The following CDH13 variants were observed in gnomAD, a reference collection of about 807,000 sequenced individuals.
CDH13 encodes the protein cadherin-13.
A neutral mutation model predicts 63.8 loss-of-function variants in CDH13; 24 were observed. That is an observed-to-expected ratio of 0.38 (90% CI 0.27 to 0.53). The LOEUF (loss-of-function observed/expected upper bound fraction) is 0.53, where lower values mean the gene tolerates loss of function less well. Ranked by LOEUF, CDH13 falls within the 20% of genes least tolerant of loss-of-function variation. The pLI is 0.85. For missense variants in CDH13, 1,049 were observed against 903.1 expected, an observed-to-expected ratio of 1.16 and a Z score of -2.07; for synonymous variants, 503 against 355.3, an observed-to-expected ratio of 1.42 and a Z score of -4.67.
chr16:82,749,258 G>A (rs974855855), intron 1 of CDH13, among the ~76,000 whole-genome samples: 1 of 152,126 alleles, frequency 6.6e-6, no homozygotes, highest in Non-Finnish European at 1.5e-5. Flanking sequence ...TGTACCTAAA[G>A]CCCATACCTT....
intron 1 of CDH13, among the ~76,000 whole-genome samples, chr16:82,630,239 G>A (rs1907844915): frequency 6.6e-6 from 1 of 152,116 alleles, no homozygotes. Context: ...CCCCCCCTAG[G>A]GTCAATACAT....
chr16:83,488,653 C>G (rs938538155), intron 7 of CDH13, among the ~76,000 whole-genome samples: 4 of 151,810 alleles, frequency 2.6e-5, no homozygotes, highest in African/African-American at 9.7e-5. Flanking sequence ...GAGACAGAGT[C>G]TTGCTCTGTC....
At chr16:83,469,081 T>A (rs1236312247) in intron 6 of CDH13, among the ~76,000 whole-genome samples, 1 of 152,192 alleles carries the variant, frequency 6.6e-6, no homozygotes, top group African/African-American at 2.4e-5. Context: ...CAATACTTTT[T>A]AGTTTTGCTG....
intron 2 of CDH13, among the ~76,000 whole-genome samples, chr16:82,862,806 C>T (rs115523699): frequency 9.7e-4 from 148 of 152,310 alleles, no homozygotes; most frequent in African/African-American, 3.3e-3. Flanking sequence ...CAGATGCAGT[C>T]GGGCTGCTCT....
chr16:82,996,069 A>G (rs1197835967), intron 2 of CDH13, among the ~76,000 whole-genome samples: 1 of 152,116 alleles, frequency 6.6e-6, no homozygotes, highest in African/African-American at 2.4e-5. Context: ...TTACAAGATT[A>G]AAAGGCTTAC....
chr16:83,540,388 G>A (rs2075277335), intron 7 of CDH13, among the ~76,000 whole-genome samples: 7 of 152,170 alleles, frequency 4.6e-5, no homozygotes, highest in Admixed American at 2.6e-4. Flanking sequence ...AGGTACATCT[G>A]AAGCCTGTTA....
At chr16:83,364,508 A>G (rs2091222586) in intron 6 of CDH13, among the ~76,000 whole-genome samples, 1 of 152,162 alleles carries the variant, frequency 6.6e-6, no homozygotes, top group African/African-American at 2.4e-5. Context: ...TTCCCTTCAC[A>G]TCTTCTCTAA....
At chr16:83,040,844 T>A (rs12930647) in intron 3 of CDH13, among the ~76,000 whole-genome samples, 2 of 152,168 alleles carry the variant, frequency 1.3e-5, no homozygotes, top group Non-Finnish European at 2.9e-5. Flanking sequence ...CATTGTTAAA[T>A]CCAGACCTAT....
chr16:83,015,657 A>ATGTGTG (rs145413477), intron 2 of CDH13, among the ~76,000 whole-genome samples: 55 of 82,076 alleles, frequency 6.7e-4, no homozygotes, highest in East Asian at 5.0e-3. Context: ...TGCAGCATAT[A>ATGTGTG]TGTGTGTGTG....
At chr16:82,837,719 T>C (rs1469617842) in intron 1 of CDH13, among the ~76,000 whole-genome samples, 1 of 152,210 alleles carries the variant, frequency 6.6e-6, no homozygotes, top group African/African-American at 2.4e-5. Context: ...CCCGAGTTTT[T>C]ACTGGGAGCT....
intron 2 of CDH13, among the ~76,000 whole-genome samples, chr16:83,028,454 G>T (rs555596489): frequency 6.6e-6 from 1 of 152,130 alleles, no homozygotes; most frequent in Non-Finnish European, 1.5e-5. Flanking sequence ...GCACCGCAGC[G>T]TGCAGTGCTC....
chr16:82,686,231 T>A (rs8060937), intron 1 of CDH13, among the ~76,000 whole-genome samples: 1 of 152,110 alleles, frequency 6.6e-6, no homozygotes, highest in Non-Finnish European at 1.5e-5. Context: ...AGCAGAATAC[T>A]CTTGAAAGTA....
At chr16:83,490,684 A>G (rs748796449) in intron 7 of CDH13, among the ~76,000 whole-genome samples, 11 of 152,214 alleles carry the variant, frequency 7.2e-5, no homozygotes, top group Non-Finnish European at 1.5e-4. Context: ...AGATGCTCAA[A>G]GAAATATCTG....
intron 4 of CDH13, among the ~76,000 whole-genome samples, chr16:83,211,577 A>G (rs531086509): frequency 6.6e-6 from 1 of 152,298 alleles, no homozygotes; most frequent in East Asian, 1.9e-4. Context: ...TAGGCATGGG[A>G]CTTTGCAGGG....
At chr16:82,794,438 G>C (rs971220029) in intron 1 of CDH13, among the ~76,000 whole-genome samples, 1 of 149,020 alleles carries the variant, frequency 6.7e-6, no homozygotes, top group East Asian at 1.9e-4. Context: ...TTTCTCCCTT[G>C]AGAGGGAAAT....
At chr16:83,794,054 G>A (rs904402525) in intron 13 of CDH13, among the ~76,000 whole-genome samples, 2 of 152,168 alleles carry the variant, frequency 1.3e-5, no homozygotes, top group Non-Finnish European at 2.9e-5. Context: ...GCCAAGGGAT[G>A]CAGGCAACCC....
At chr16:82,962,278 C>G (rs1026528366) in intron 2 of CDH13, among the ~76,000 whole-genome samples, 2 of 152,128 alleles carry the variant, frequency 1.3e-5, no homozygotes, top group African/African-American at 2.4e-5. Context: ...CAATATGGCC[C>G]CAAGCCAAGG....
intron 2 of CDH13, among the ~76,000 whole-genome samples, chr16:82,894,762 C>T (rs1469156958): frequency 6.6e-6 from 1 of 152,238 alleles, no homozygotes; most frequent in Non-Finnish European, 1.5e-5. Context: ...ATGGCCACGG[C>T]AGGCCTTCCC....
intron 4 of CDH13, among the ~76,000 whole-genome samples, chr16:83,133,015 C>G (rs997034588): frequency 6.6e-6 from 1 of 152,172 alleles, no homozygotes; most frequent in Non-Finnish European, 1.5e-5. Flanking sequence ...GCTGCACTGT[C>G]CCATGGAACA....
Sources: gnomAD v4.1 joint callset for allele counts (sites outside exome capture counted in the v4.1 genomes callset) on GRCh38, gnomAD v4.1.1 for gene constraint, MANE v1.5 for transcripts, NCBI Gene and HGNC (gene_info 2026-07-23, HGNC 2026-07-21) for gene names.